PRIMA1: variants seen among roughly 807,000 people sequenced by gnomAD.
The protein encoded by PRIMA1 is proline-rich membrane anchor 1.
Under a neutral mutation model 17.5 loss-of-function variants are expected in PRIMA1, and 7 were observed. That is an observed-to-expected ratio of 0.40 (90% CI 0.23 to 0.75). The LOEUF (loss-of-function observed/expected upper bound fraction) is 0.75, where lower values mean the gene tolerates loss of function less well. Among genes scored for constraint, PRIMA1 ranks in the 30% least tolerant of loss-of-function variants. The pLI is 0.37. For synonymous variants in PRIMA1, 97 were observed against 77.9 expected (o/e 1.25, Z -1.29); for missense variants, 200 against 201.8 (o/e 0.99, Z 0.05).
intron 3 of PRIMA1, among the ~76,000 whole-genome samples, chr14:93,755,282 T>G (rs2076284053): frequency 6.6e-6 from 1 of 152,228 alleles, no homozygotes; most frequent in African/African-American, 2.4e-5. Flanking sequence ...ATGCTATGAC[T>G]GTGAGATGCA....
In PRIMA1 at chr14:93,771,782, C is replaced by T. The variant is rs565524358; in HGVS notation, c.229+7394G>A. On this transcript the variant is annotated intron_variant, in intron 3 of 4. Transcript: ENST00000393140. The stretch of plus-strand genomic sequence containing the variant: ...GTCAGGTTCTACTTCGAAGGGGAGG[C>T]TGGTGGACAGAAGGACTATACGTGC... Among the ~76,000 whole-genome samples, 11 of 152,170 alleles carry T rather than the reference C, an allele frequency of 7.2e-5. No homozygotes were observed. The East Asian group carries it at 9.7e-4, about 13-fold the overall frequency.
At chr14:93,748,045 T>TGG (rs1342007272) in intron 3 of PRIMA1, among the ~76,000 whole-genome samples, 1 of 21,896 alleles carries the variant, frequency 4.6e-5, no homozygotes, top group Non-Finnish European at 1.3e-4. Flanking sequence ...TGGGAGTGTG[T>TGG]GAGTGTGTGT....
chr14:93,734,972 C>T (rs1024768501), intron 4 of PRIMA1, among the ~76,000 whole-genome samples: 5 of 152,156 alleles, frequency 3.3e-5, no homozygotes, highest in African/African-American at 4.8e-5. Flanking sequence ...AGCAGGCTAC[C>T]GCTGAGCAGC....
At chr14:93,727,956 G>A (rs1178714805) in intron 4 of PRIMA1, among the ~76,000 whole-genome samples, 1 of 152,216 alleles carries the variant, frequency 6.6e-6, no homozygotes, top group Non-Finnish European at 1.5e-5. Flanking sequence ...CTGCTCAGCT[G>A]TCCTGAGCCA....
chr14:93,724,929 C>T (rs940943074), intron 4 of PRIMA1, among the ~76,000 whole-genome samples: 3 of 152,160 alleles, frequency 2.0e-5, no homozygotes, highest in Non-Finnish European at 4.4e-5. Context: ...TCAAGGTTTC[C>T]ACCCTTTTGC....
chr14:93,737,301 C>T lies in PRIMA1; in HGVS notation c.299G>A (p.Cys100Tyr). The T allele has an allele frequency of 6.2e-7, 1 of 1,614,150 alleles. No homozygotes were observed. The highest frequency in any genetic ancestry group is 8.5e-7 in the Non-Finnish European group (1 of 1,180,028). Residue 100 changes from cysteine (C) to tyrosine (Y), a missense_variant, in exon 4 of 5, where the codon TGC (cysteine) becomes TAC (tyrosine). Physicochemically the swap from Cys to Tyr is radical, Grantham distance 194. Transcript: ENST00000393140. The stretch of plus-strand genomic sequence containing the variant: ...AGTCAGAAACACCAGGGAGGCACAG[C>T]ATACGGCAATGATGATCACCAGCCC... ...WSGLVIIIAV[C>Y]CASLVFLTVL...
chr14:93,786,496 G>A (rs1174756320), intron 2 of PRIMA1, among the ~76,000 whole-genome samples: 12 of 152,142 alleles, frequency 7.9e-5, no homozygotes, highest in Admixed American at 2.6e-4. Flanking sequence ...GCAGCTCATG[G>A]ACCTCGGTAG....
intron 3 of PRIMA1, among the ~76,000 whole-genome samples, chr14:93,763,187 C>A (rs901883645): frequency 1.3e-5 from 2 of 152,166 alleles, no homozygotes; most frequent in African/African-American, 4.8e-5. Flanking sequence ...TACAGAAATG[C>A]TCAAGAAATG....
At chr14:93,733,351 G>A (rs956590010) in intron 4 of PRIMA1, among the ~76,000 whole-genome samples, 32 of 152,176 alleles carry the variant, frequency 2.1e-4, no homozygotes, top group African/African-American at 6.5e-4. Context: ...CCTAATCTGC[G>A]TCTAGCAAGT....
rs1335977724 is a variant in PRIMA1, at chr14:93,719,734, C to A, written c.*1710G>T. ...TGTGAAGTACTGGCCAGGTCAGGAG[C>A]AGGGGGTGGCACTATGCTGATGCCC... On this transcript the variant is annotated 3_prime_UTR_variant, in exon 5 of 5. Transcript: ENST00000393140. The A allele has an allele frequency of 2.0e-5, 3 of 152,338 alleles. No homozygotes were observed. In the East Asian group the frequency reaches 5.8e-4, roughly 29 times the overall value. 9.4% of individuals were successfully genotyped at this position (152,338 alleles called of 1,614,324 possible).
chr14:93,733,288 C>A (rs1311205610), intron 4 of PRIMA1, among the ~76,000 whole-genome samples: 1 of 151,658 alleles, frequency 6.6e-6, no homozygotes, highest in Non-Finnish European at 1.5e-5. Flanking sequence ...CTACCCAGTG[C>A]ACAGGTGGGA....
intron 3 of PRIMA1, among the ~76,000 whole-genome samples, chr14:93,748,971 G>A (rs899625308): frequency 2.0e-5 from 3 of 152,140 alleles, no homozygotes; most frequent in East Asian, 1.9e-4. Context: ...GGGAACAGCA[G>A]GACACTGCCT....
At chr14:93,776,959 T>C (rs1885236986) in intron 3 of PRIMA1, among the ~76,000 whole-genome samples, 1 of 152,346 alleles carries the variant, frequency 6.6e-6, no homozygotes, top group East Asian at 1.9e-4. Flanking sequence ...TTTATTATTA[T>C]GGTCACCTTC....
intron 3 of PRIMA1, among the ~76,000 whole-genome samples, chr14:93,746,629 A>T (rs1244784398): frequency 6.6e-6 from 1 of 152,056 alleles, no homozygotes; most frequent in Non-Finnish European, 1.5e-5. Flanking sequence ...ATTCTGACCT[A>T]CAGGTCAGCA....
At chr14:93,754,837 A>G (rs1271391468) in intron 3 of PRIMA1, among the ~76,000 whole-genome samples, 6 of 152,166 alleles carry the variant, frequency 3.9e-5, no homozygotes, top group African/African-American at 1.4e-4. Flanking sequence ...TGACAGGGAC[A>G]TGAATGGGGT....
intron 3 of PRIMA1, among the ~76,000 whole-genome samples, chr14:93,754,581 C>T (rs1389518971): frequency 6.6e-6 from 1 of 152,168 alleles, no homozygotes; most frequent in Non-Finnish European, 1.5e-5. Flanking sequence ...TGGCCACACC[C>T]ACACCTTGGA....
intron 3 of PRIMA1, among the ~76,000 whole-genome samples, chr14:93,769,411 C>T (rs1026926413): frequency 6.6e-6 from 1 of 152,184 alleles, no homozygotes; most frequent in Admixed American, 6.5e-5. Flanking sequence ...GCAGACCAGG[C>T]AAGTGGATCA....
At chr14:93,785,903 T>TACAC (rs34449933) in intron 2 of PRIMA1, among the ~76,000 whole-genome samples, 1 of 150,802 alleles carries the variant, frequency 6.6e-6, no homozygotes, top group African/African-American at 2.4e-5. Flanking sequence ...CACCCCTGCA[T>TACAC]ACACACACAC....
At chr14:93,776,478 G>A (rs1002598426) in intron 3 of PRIMA1, among the ~76,000 whole-genome samples, 3 of 152,094 alleles carry the variant, frequency 2.0e-5, no homozygotes, top group African/African-American at 7.2e-5. Flanking sequence ...CTCTTGGATG[G>A]TCTGGGGTCT....
Sources: allele counts gnomAD v4.1 joint callset (sites outside exome capture counted in the v4.1 genomes callset), GRCh38; gene constraint gnomAD v4.1.1; transcripts MANE v1.5; gene names NCBI Gene and HGNC (gene_info 2026-07-23, HGNC 2026-07-21).